GPR176: variants seen among roughly 807,000 people sequenced by gnomAD.
GPR176 encodes G protein-coupled receptor 176.
GPR176 carries 26 observed loss-of-function variants against 35.4 expected under a neutral mutation model. That is an observed-to-expected ratio of 0.74 (90% CI 0.54 to 1.02). GPR176 has a LOEUF of 1.02. GPR176 is among the 50% of genes least tolerant of loss of function. GPR176 has a pLI of 0.00. For missense variants in GPR176, 597 were observed against 665.3 expected (o/e 0.90, Z 1.13); for synonymous variants, 278 against 271.3 (o/e 1.02, Z -0.24).
intron 1 of GPR176, chr15:39,860,681 G>A (rs1257748458): frequency 6.6e-6 from 1 of 152,214 alleles, no homozygotes; most frequent in Non-Finnish European, 1.5e-5. Flanking sequence ...AGTATGGATA[G>A]GAGAAGCTAA....
chr15:39,882,604 G>A (rs1161142926), intron 1 of GPR176, among the ~76,000 whole-genome samples: 1 of 152,182 alleles, frequency 6.6e-6, no homozygotes, highest in Non-Finnish European at 1.5e-5. Context: ...AAGAAGGTGT[G>A]ACACAAATAA....
intron 1 of GPR176, among the ~76,000 whole-genome samples, chr15:39,878,908 A>G (rs1361285028): frequency 6.6e-6 from 1 of 152,260 alleles, no homozygotes; most frequent in Non-Finnish European, 1.5e-5. Context: ...AGAAACCCCT[A>G]TGTATTTAGG....
chr15:39,917,397 G>T (rs2033754948), intron 1 of GPR176, among the ~76,000 whole-genome samples: 1 of 146,226 alleles, frequency 6.8e-6, no homozygotes, highest in South Asian at 2.3e-4. Flanking sequence ...GTGCAGCAGT[G>T]AAATCCCAGC....
intron 1 of GPR176, among the ~76,000 whole-genome samples, chr15:39,860,580 AATC>A (rs1470941779): frequency 1.3e-5 from 2 of 152,174 alleles, no homozygotes; most frequent in Non-Finnish European, 2.9e-5. Flanking sequence ...CTTAGTTTAT[AATC>A]ATTTTTAAGT....
At chr15:39,827,037 A>G (rs1364987578) in intron 1 of GPR176, among the ~76,000 whole-genome samples, 1 of 152,192 alleles carries the variant, frequency 6.6e-6, no homozygotes, top group Non-Finnish European at 1.5e-5. Context: ...AAAGGGTTGA[A>G]GCCTTCAGGG....
intron 1 of GPR176, among the ~76,000 whole-genome samples, chr15:39,914,358 G>T (rs2033668170): frequency 6.8e-6 from 1 of 146,162 alleles, no homozygotes; most frequent in Non-Finnish European, 1.5e-5. Context: ...CTGTCACCCA[G>T]GCTGGAGTAC....
At chr15:39,894,245 C>T (rs2033007231) in intron 1 of GPR176, among the ~76,000 whole-genome samples, 1 of 140,162 alleles carries the variant, frequency 7.1e-6, no homozygotes, top group African/African-American at 2.6e-5. Flanking sequence ...GACGGGGCGG[C>T]TGGCCGGGTT....
intron 1 of GPR176, among the ~76,000 whole-genome samples, chr15:39,876,328 C>G (rs910735989): frequency 6.6e-6 from 1 of 152,080 alleles, no homozygotes; most frequent in Non-Finnish European, 1.5e-5. Context: ...TGCTACACTT[C>G]AGGGAGAATT....
chr15:39,853,708 G>A (rs2031022196), intron 1 of GPR176, among the ~76,000 whole-genome samples: 1 of 152,120 alleles, frequency 6.6e-6, no homozygotes, highest in Non-Finnish European at 1.5e-5. Flanking sequence ...TCATAGCTGG[G>A]AGCAGGAGTG....
intron 1 of GPR176, among the ~76,000 whole-genome samples, chr15:39,808,079 C>CTTCT (rs1385146239): frequency 6.6e-6 from 1 of 152,192 alleles, no homozygotes; most frequent in Non-Finnish European, 1.5e-5. Context: ...CCAGGTTTTA[C>CTTCT]AGAAGAGCAT....
rs1336564818 is a variant in GPR176, at chr15:39,801,741, C to T, written c.939G>A (p.Leu313=). ...LTAVWLPKVS[L]LANPVLFLTV... ...TAAGAAAGAGAACAGGGTTTGCCAG[C>T]AGGGAGACTTTGGGCAGCCAAACAG... The change falls in exon 3 of 3, where the codon CTG becomes CTA. Residue 313 remains leucine (L), a synonymous_variant. Transcript: ENST00000561100. 1 of 1,613,834 alleles carries T rather than the reference C, an allele frequency of 6.2e-7. No individual in the cohort carries two copies. Among genetic ancestry groups the T allele is most frequent in the African/African-American group, 1.3e-5 (1 of 74,900 alleles).
At chr15:39,878,758 T>C (rs2032359730) in intron 1 of GPR176, among the ~76,000 whole-genome samples, 2 of 152,244 alleles carry the variant, frequency 1.3e-5, no homozygotes, top group South Asian at 4.1e-4. Context: ...GTACGAGGTT[T>C]CCTGCCTTTA....
chr15:39,821,910 A>T (rs275720), intron 1 of GPR176, among the ~76,000 whole-genome samples: 83,247 of 152,154 alleles, frequency 0.55, 23,468 homozygotes, highest in African/African-American at 0.67. Flanking sequence ...TGAAGTCGAT[A>T]TGTGTAAACA....
At chr15:39,832,686 C>CACAG (rs1901170386) in intron 1 of GPR176, among the ~76,000 whole-genome samples, 1 of 151,606 alleles carries the variant, frequency 6.6e-6, no homozygotes, top group Non-Finnish European at 1.5e-5. Flanking sequence ...CACACACACA[C>CACAG]ACAAATCTTA....
At chr15:39,880,520 C>T (rs960954960) in intron 1 of GPR176, among the ~76,000 whole-genome samples, 2 of 152,188 alleles carry the variant, frequency 1.3e-5, no homozygotes, top group Non-Finnish European at 2.9e-5. Flanking sequence ...GACCCTCCAG[C>T]TTTAGATTCT....
Position 39,801,887 on chromosome 15 carries a change from G to A in GPR176, c.793C>T (p.His265Tyr), listed in dbSNP as rs1432979245. The A allele has an allele frequency of 1.9e-6, 3 of 1,613,972 alleles. No individual in the cohort carries two copies. Among genetic ancestry groups the A allele is most frequent in the African/African-American group, 2.7e-5 (2 of 74,872 alleles). ...PYASQREAEL[H>Y]ATLLSMVMVF... ...ATCACCATGGAGAGCAGGGTGGCGT[G>A]CAGCTCGGCCTCCCGCTGGGAGGCA... Residue 265 changes from histidine to tyrosine, a missense_variant, in exon 3 of 3, where the codon CAC becomes TAC. Coordinates refer to ENST00000561100, the MANE Select transcript of GPR176 (RefSeq NM_007223.3).
intron 1 of GPR176, among the ~76,000 whole-genome samples, chr15:39,856,976 G>A (rs1304702478): frequency 2.6e-5 from 4 of 152,036 alleles, no homozygotes; most frequent in Non-Finnish European, 2.9e-5. Flanking sequence ...GTGCACAGTA[G>A]GCATTCCATA....
chr15:39,878,442 C>T (rs2032342429), intron 1 of GPR176, among the ~76,000 whole-genome samples: 1 of 146,290 alleles, frequency 6.8e-6, no homozygotes, highest in Admixed American at 7.0e-5. Flanking sequence ...TTGCAAATGA[C>T]AAGACTTCTT....
intron 1 of GPR176, among the ~76,000 whole-genome samples, chr15:39,834,184 AC>A (rs1278213950): frequency 6.6e-6 from 1 of 152,210 alleles, no homozygotes; most frequent in Non-Finnish European, 1.5e-5. Context: ...CAAACCTAGC[AC>A]AGACAAATCT....
Sources: allele counts gnomAD v4.1 joint callset (sites outside exome capture counted in the v4.1 genomes callset), GRCh38; gene constraint gnomAD v4.1.1; transcripts MANE v1.5; gene names NCBI Gene and HGNC (gene_info 2026-07-23, HGNC 2026-07-21).